Variants in NYAP1 observed in about 807,000 individuals in gnomAD.
NYAP1 encodes the protein neuronal tyrosine phosphorylated phosphoinositide-3-kinase adaptor 1, also known as neuronal tyrosine-phosphorylated phosphoinositide-3-kinase adapter 1.
In NYAP1, 20 loss-of-function variants were observed where a neutral mutation model predicts 58.6. That is an observed-to-expected ratio of 0.34 (90% CI 0.24 to 0.50). The LOEUF is 0.50. NYAP1 is among the 20% of genes least tolerant of loss of function. The probability of loss-of-function intolerance (pLI) is 0.98; values close to 1 mark genes in which losing one functional copy is unlikely to be tolerated. For missense variants in NYAP1, 1,150 were observed against 1,194.5 expected, an observed-to-expected ratio of 0.96 and a Z score of 0.55; for synonymous variants, 572 against 523.1, an observed-to-expected ratio of 1.09 and a Z score of -1.27.
chr7:100,494,084 G>A lies in NYAP1; in HGVS notation c.*181G>A. On this transcript the variant is annotated 3_prime_UTR_variant, in exon 7 of 7. Transcript: ENST00000300179. ...CTGCCAGGCCCATTGGGCTTAGGAT[G>A]CCAACAGCGCTGCTGAGAAACGGAG... 3.6e-6 allele frequency: 2 copies of A among 548,450 alleles called. No homozygotes were observed. Among genetic ancestry groups the A allele is most frequent in the Non-Finnish European group, 6.1e-6 (2 of 325,864 alleles). 34.0% of individuals were successfully genotyped at this position (548,450 alleles called of 1,614,324 possible).
Position 100,484,854 on chromosome 7 carries a change from G to A in NYAP1, c.-84-374G>A, listed in dbSNP as rs138991929. ...TCTGTTTACCTATGCCAATCTCTGC[G>A]TCTGGTCCTCTGTCTGTAGATGTGG... is the stretch of plus-strand genomic sequence containing the variant. On this transcript the variant is annotated intron_variant, in intron 1 of 6. Transcript: ENST00000300179. Among the ~76,000 whole-genome samples the A allele has an allele frequency of 6.2e-3, 944 of 152,140 alleles. 4 individuals carry two copies. The highest frequency in any genetic ancestry group is 9.8e-3 in the Non-Finnish European group (663 of 67,998).
In NYAP1 at chr7:100,486,481, C is replaced by T. The variant is rs150931657; in HGVS notation, c.69-340C>T. ...GGGCCAAGGAGCTGTGGGGGGCAGG[C>T]GTGTCCATCTGTGTTACCTGGGTTT... On this transcript the variant is annotated intron_variant, in intron 2 of 6. Coordinates refer to ENST00000300179, the MANE Select transcript of NYAP1 (RefSeq NM_173564.4). This position sits in a 1 kb window ranked among gnomAD's most constrained non-coding sequence, Gnocchi z 6.2. Among the ~76,000 whole-genome samples the T allele has an allele frequency of 9.8e-3, 1,491 of 152,144 alleles. 16 individuals carry two copies. Among genetic ancestry groups the T allele is most frequent in the South Asian group, 0.013 (64 of 4,818 alleles).
In NYAP1 at chr7:100,490,881, T is replaced by G. The variant is rs1799786742; in HGVS notation, c.2159-105T>G. ...CACATCTCCACCCCTTTTTCCCTTC[T>G]GATGAGGCAGGGGCAGCCTGGACCA... On this transcript the variant is annotated intron_variant, in intron 5 of 6. Transcript: ENST00000300179. This position sits in a 1 kb window ranked among gnomAD's most constrained non-coding sequence, Gnocchi z 4.6. 9.3e-7 allele frequency: 1 copy of G among 1,075,806 alleles called. No individual in the cohort carries two copies. The highest frequency in any genetic ancestry group is 1.3e-6 in the Non-Finnish European group (1 of 751,854). The allele number at this position is 1,075,806 out of a possible 1,614,324, so 66.6% of individuals were successfully genotyped here. A position where few individuals can be genotyped will look rare whatever the true frequency, so the allele number is the denominator to read the frequency against.
In NYAP1 at chr7:100,487,074, G is replaced by A. The variant is rs1016560089; in HGVS notation, c.322G>A (p.Asp108Asn). Residue 108 changes from aspartate to asparagine, a missense_variant, in exon 3 of 7, where the codon GAC (aspartate) becomes AAC (asparagine). By Grantham distance (23) the Asp-to-Asn change is conservative (BLOSUM62 1). Transcript: ENST00000300179. This position sits in a 1 kb window ranked among gnomAD's most constrained non-coding sequence, Gnocchi z 4.1. Reference protein sequence around the residue: ...PGGASGGLTEDSSTRRPPAKP... With the variant: ...PGGASGGLTENSSTRRPPAKP... ...CGGGGCCAGTGGGGGCCTCACAGAG[G>A]ACAGCAGCACCCGAAGACCCCCTGC... The A allele has an allele frequency of 6.3e-7, 1 of 1,597,858 alleles. No individual in the cohort carries two copies. Among genetic ancestry groups the A allele is most frequent in the African/African-American group, 1.4e-5 (1 of 73,926 alleles).
chr7:100,486,806 G>T lies in NYAP1; in HGVS notation c.69-15G>T. The T allele has an allele frequency of 6.8e-7, 1 of 1,461,922 alleles. No homozygotes were observed. Among genetic ancestry groups the T allele is most frequent in the Non-Finnish European group, 9.0e-7 (1 of 1,111,498 alleles). The allele number at this position is 1,461,922 out of a possible 1,614,324, so 90.6% of individuals were successfully genotyped here. A position where few individuals can be genotyped will look rare whatever the true frequency, so the allele number is the denominator to read the frequency against. ...GAGGCCCTTCCTCCACTCCATCGTG[G>T]CCTTCTCTCCCCAGCTCCAGTAAGG... On this transcript the variant is annotated splice_polypyrimidine_tract_variant and intron_variant, in intron 2 of 6. Transcript: ENST00000300179. The surrounding 1 kb of genome is among the most constrained non-coding windows in gnomAD (Gnocchi z 6.2).
intron 6 of NYAP1, among the ~76,000 whole-genome samples, chr7:100,493,290 G>A (rs1286999834): frequency 1.3e-5 from 2 of 152,212 alleles, no homozygotes; most frequent in Non-Finnish European, 2.9e-5. Flanking sequence ...GAGCCCAGGA[G>A]GTCGAGGCTG....
intron 1 of NYAP1, among the ~76,000 whole-genome samples, chr7:100,484,557 G>T (rs374333073): frequency 6.6e-6 from 1 of 152,192 alleles, no homozygotes; most frequent in East Asian, 1.9e-4. Flanking sequence ...ATAGATGGAT[G>T]GGTGGTATTT....
At position 100,493,844 on chromosome 7, in the gene NYAP1, A is replaced by G; in HGVS notation, c.2467A>G (p.Lys823Glu). The stretch of plus-strand genomic sequence containing the variant: ...CTGGCGGCGGGGACCCGAGCCCCGC[A>G]AGTCCGGCACCCCGCCCTGCCGCCG... ...PSWRRGPEPR[K>E]SGTPPCRRQH... The change falls in exon 7 of 7, where the codon AAG becomes GAG. Residue 823 changes from lysine (K) to glutamate (E), a missense_variant. By Grantham distance (56) the Lys-to-Glu change is moderately conservative (BLOSUM62 1). Transcript: ENST00000300179. 6.4e-7 allele frequency: 1 copy of G among 1,560,696 alleles called. No homozygotes were observed. The highest frequency in any genetic ancestry group is 1.2e-5 in the South Asian group (1 of 85,916).
Position 100,489,644 on chromosome 7 carries a change from G to A in NYAP1, c.1923G>A (p.Gly641=), listed in dbSNP as rs149470423. The change falls in exon 4 of 7, where the codon GGG becomes GGA. Residue 641 remains glycine, a synonymous_variant. Coordinates refer to ENST00000300179, the MANE Select transcript of NYAP1 (RefSeq NM_173564.4). Reference sequence around the variant, plus strand: ...TGCAGAGGAAGGTCCTCTATGGAGGGAGAAAAGCAAAGGAGTTGGACAGTG... The same window carrying A: ...TGCAGAGGAAGGTCCTCTATGGAGGAAGAAAAGCAAAGGAGTTGGACAGTG... The part of the protein sequence containing the change: ...WALQRKVLYG[G]RKAKELDKVE... The A allele has an allele frequency of 9.7e-4, 1,302 of 1,347,820 alleles. 13 individuals carry two copies. In the African/African-American group the frequency reaches 0.018, roughly 19 times the overall value. 83.5% of individuals were successfully genotyped at this position (1,347,820 alleles called of 1,614,324 possible).
chr7:100,487,283 C>CA lies in NYAP1; in HGVS notation c.430+103dup, dbSNP rs1799719095. On this transcript the variant is annotated intron_variant, in intron 3 of 6. Transcript: ENST00000300179. This position sits in a 1 kb window ranked among gnomAD's most constrained non-coding sequence, Gnocchi z 4.1. ...CGGGAGGGTTCATTCAGGGAAGAACCAAGGAAGTGGAAGATTCCATTCTCA... is the reference window on the plus strand; with the variant it reads ...CGGGAGGGTTCATTCAGGGAAGAACCAAAGGAAGTGGAAGATTCCATTCTCA... 6 of 1,246,858 alleles carry CA rather than the reference C, an allele frequency of 4.8e-6. No individual in the cohort carries two copies. The highest frequency in any genetic ancestry group is 1.6e-5 in the African/African-American group (1 of 63,358). 77.2% of individuals were successfully genotyped at this position (1,246,858 alleles called of 1,614,324 possible).
rs1799782624 is a variant in NYAP1 at position 100,490,624 on chromosome 7, G to C, written c.2053G>C (p.Gly685Arg). The C allele has an allele frequency of 3.2e-6, 5 of 1,573,480 alleles. No homozygotes were observed. The highest frequency in any genetic ancestry group is 1.7e-4 in the Middle Eastern group (1 of 6,004). ...ATCGGGGATCCCAGTGAGAAGCCAG[G>C]GGGCAGAGGGACTGCTGGCCAGGAT... The part of the protein sequence containing the change: ...GTSGIPVRSQ[G>R]AEGLLARIHH... The change falls in exon 5 of 7, where the codon GGG becomes CGG. Residue 685 changes from glycine to arginine, a missense_variant. Physicochemically the swap from Gly to Arg is moderately radical, Grantham distance 125 (BLOSUM62 -2). Transcript: ENST00000300179. The surrounding 1 kb of genome is among the most constrained non-coding windows in gnomAD (Gnocchi z 4.6).
chr7:100,491,972 G>A (rs1353013543), intron 6 of NYAP1, among the ~76,000 whole-genome samples: 10 of 152,130 alleles, frequency 6.6e-5, no homozygotes, highest in African/African-American at 2.4e-4. Flanking sequence ...GCCTGAACCC[G>A]GGAGACGGAG....
rs1295858844 is a variant in NYAP1 at position 100,493,715 on chromosome 7, C to T, written c.2338C>T (p.Leu780=). The T allele has an allele frequency of 2.5e-6, 4 of 1,600,784 alleles. No homozygotes were observed. Among genetic ancestry groups the T allele is most frequent in the Non-Finnish European group, 2.5e-6 (3 of 1,176,966 alleles). The change falls in exon 7 of 7, where the codon CTG becomes TTG. Residue 780 remains leucine (L), a synonymous_variant. Coordinates refer to ENST00000300179, the MANE Select transcript of NYAP1 (RefSeq NM_173564.4). ...QPARERDGKL[L]EVIERKRCVC... ...GGCCCGCGAGCGTGACGGGAAGCTG[C>T]TGGAGGTGATCGAGCGCAAGCGCTG...
At chr7:100,491,133 G>C (rs1180153699) in intron 6 of NYAP1, 38 bp downstream of exon 6, 10 of 1,328,604 alleles carry the variant, frequency 7.5e-6, no homozygotes, top group Non-Finnish European at 1.1e-5. Context: ...GAAGGAGCAG[G>C]TGGAGAAGGC....
In NYAP1 at chr7:100,485,083, G is replaced by A. The variant is rs199976450; in HGVS notation, c.-84-145G>A. 12 of 564,360 alleles carry A rather than the reference G, an allele frequency of 2.1e-5. 1 individual carries two copies. The highest frequency in any genetic ancestry group is 1.2e-4 in the East Asian group (4 of 33,944). The allele number at this position is 564,360 out of a possible 1,614,324, so 35.0% of individuals were successfully genotyped here. A position where few individuals can be genotyped will look rare whatever the true frequency, so the allele number is the denominator to read the frequency against. On this transcript the variant is annotated intron_variant, in intron 1 of 6. Coordinates refer to ENST00000300179, the MANE Select transcript of NYAP1 (RefSeq NM_173564.4). This position sits in a 1 kb window ranked among gnomAD's most constrained non-coding sequence, Gnocchi z 5.7. Reference sequence around the variant, plus strand: ...TGTGTCTGTCTGTCTGTGGGTCCTCGAAGCTGTGTTGGGTTTTCTGTCTGT... The same window carrying A: ...TGTGTCTGTCTGTCTGTGGGTCCTCAAAGCTGTGTTGGGTTTTCTGTCTGT...
At position 100,487,028 on chromosome 7, in the gene NYAP1, C is replaced by T. The variant is rs1799713684; in HGVS notation, c.276C>T (p.Asp92=). 2 of 1,608,216 alleles carry T rather than the reference C, an allele frequency of 1.2e-6. No individual in the cohort carries two copies. Among genetic ancestry groups the T allele is most frequent in the Non-Finnish European group, 1.7e-6 (2 of 1,177,280 alleles). ...SLSCHSVGSM[D]SVGGGPGGAS... ...CCTGCCACTCGGTGGGCAGCATGGA[C>T]AGTGTCGGGGGTGGCCCTGGCGGGG... The change falls in exon 3 of 7, where the codon GAC becomes GAT. Residue 92 remains aspartate, a synonymous_variant. Coordinates refer to ENST00000300179, the MANE Select transcript of NYAP1 (RefSeq NM_173564.4). The surrounding 1 kb of genome is among the most constrained non-coding windows in gnomAD (Gnocchi z 4.1).
rs1290829956 is a variant in NYAP1 at position 100,493,705 on chromosome 7, C to G, written c.2328C>G (p.Asp776Glu). The change falls in exon 7 of 7, where the codon GAC (aspartate) becomes GAG (glutamate). Residue 776 changes from aspartate (D) to glutamate (E), a missense_variant. Asp to Glu is a conservative substitution (Grantham distance 45). Transcript: ENST00000300179. ...PLPPQPARER[D>E]GKLLEVIERK... is the part of the protein sequence containing the mutation. ...CGCCCCAGCCGGCCCGCGAGCGTGACGGGAAGCTGCTGGAGGTGATCGAGC... is the reference window on the plus strand; with the variant it reads ...CGCCCCAGCCGGCCCGCGAGCGTGAGGGGAAGCTGCTGGAGGTGATCGAGC... 1.3e-6 allele frequency: 2 copies of G among 1,597,492 alleles called. No individual in the cohort carries two copies. Among genetic ancestry groups the G allele is most frequent in the African/African-American group, 1.3e-5 (1 of 74,658 alleles).
Position 100,491,039 on chromosome 7 carries a change from C to A in NYAP1, c.2212C>A (p.Gln738Lys). 6.4e-7 allele frequency: 1 copy of A among 1,559,952 alleles called. No individual in the cohort carries two copies. The highest frequency in any genetic ancestry group is 1.2e-5 in the South Asian group (1 of 84,616). Reference sequence around the variant, plus strand: ...CTCCGCCTCCACCTCCGGAGTCCGGCAGGTCGTGCTCCACACACCCCGGCC... The same window carrying A: ...CTCCGCCTCCACCTCCGGAGTCCGGAAGGTCGTGCTCCACACACCCCGGCC... ...GRSASTSGVR[Q>K]VVLHTPRPCS... is the part of the protein sequence containing the mutation. Residue 738 changes from glutamine to lysine, a missense_variant, in exon 6 of 7, where the codon CAG becomes AAG. Coordinates refer to ENST00000300179, the MANE Select transcript of NYAP1 (RefSeq NM_173564.4).
chr7:100,489,670 A>T lies in NYAP1; in HGVS notation c.1945+4A>T. On this transcript the variant is annotated splice_donor_region_variant and intron_variant, in intron 4 of 6. Coordinates refer to ENST00000300179, the MANE Select transcript of NYAP1 (RefSeq NM_173564.4). Reference sequence around the variant, plus strand: ...AGAAAAGCAAAGGAGTTGGACAGTGAGTGAGGGGTGGGGAGTGGGGGCTGG... The same window carrying T: ...AGAAAAGCAAAGGAGTTGGACAGTGTGTGAGGGGTGGGGAGTGGGGGCTGG... 7 of 363,974 alleles carry T rather than the reference A, an allele frequency of 1.9e-5. No homozygotes were observed. Among genetic ancestry groups the T allele is most frequent in the Non-Finnish European group, 2.6e-5 (7 of 270,448 alleles). 22.5% of individuals were successfully genotyped at this position (363,974 alleles called of 1,614,324 possible).
Sources: allele counts gnomAD v4.1 joint callset (sites outside exome capture counted in the v4.1 genomes callset), GRCh38; gene constraint gnomAD v4.1.1; non-coding constraint Gnocchi (gnomAD v3.1); transcripts MANE v1.5; gene names NCBI Gene and HGNC (gene_info 2026-07-23, HGNC 2026-07-21).